Variants in LIMCH1 observed in about 807,000 individuals in gnomAD.
LIMCH1 encodes the protein LIM and calponin homology domains 1.
Under a neutral mutation model 176.5 loss-of-function variants are expected in LIMCH1, and 113 were observed. That is an observed-to-expected ratio of 0.64 (90% CI 0.55 to 0.75). The LOEUF is 0.75. Ranked by LOEUF, LIMCH1 falls within the 30% of genes least tolerant of loss-of-function variation. The pLI, the probability that LIMCH1 is intolerant of heterozygous loss-of-function variation, is 0.00. For missense variants in LIMCH1, 1,674 were observed against 1,814.9 expected (o/e 0.92, Z 1.41); for synonymous variants, 619 against 645.9 (o/e 0.96, Z 0.63).
intron 1 of LIMCH1, among the ~76,000 whole-genome samples, chr4:41,475,893 G>A (rs1325173856): frequency 2.0e-5 from 3 of 152,146 alleles, no homozygotes; most frequent in Admixed American, 2.0e-4. Context: ...TACAAAAAAA[G>A]ACATTAAAAA....
chr4:41,670,660 C>A, intron 21 of LIMCH1: 1 of 1,285,688 alleles, frequency 7.8e-7, no homozygotes, highest in South Asian at 1.3e-5. Flanking sequence ...TGGTTCTATT[C>A]AGTTCTCACC....
intron 1 of LIMCH1, among the ~76,000 whole-genome samples, chr4:41,553,131 C>T (rs1420071882): frequency 4.6e-5 from 7 of 152,162 alleles, no homozygotes. Flanking sequence ...TCTGCGAGAT[C>T]TCTCGCAGTG....
rs112473144 is a variant in LIMCH1 at position 41,369,437 on chromosome 4, C to A, written c.96+8501C>A. The stretch of plus-strand genomic sequence containing the variant: ...GCAGGAGTAATGCTCAGATAATATT[C>A]TTGAGTTGTATTCCTCAGGAAAAAG... On this transcript the variant is annotated intron_variant, in intron 1 of 26. Transcript: ENST00000313860. Among the ~76,000 whole-genome samples the A allele has an allele frequency of 1.6e-3, 238 of 152,260 alleles. 2 individuals are homozygous for A. Among genetic ancestry groups the A allele is most frequent in the African/African-American group, 5.4e-3 (224 of 41,560 alleles).
chr4:41,650,366 GT>G (rs1298109035), intron 17 of LIMCH1, 26 bp from the exon 18 acceptor site: 3 of 1,567,272 alleles, frequency 1.9e-6, no homozygotes, highest in South Asian at 1.1e-5. Flanking sequence ...TATATAGCAT[GT>G]TTTTTGTTCA....
chr4:41,413,207 A>G (rs1262716653), intron 1 of LIMCH1, among the ~76,000 whole-genome samples: 1 of 145,140 alleles, frequency 6.9e-6, no homozygotes, highest in Non-Finnish European at 1.5e-5. Context: ...TGCAACATGT[A>G]GACATAATAA....
intron 28 of LIMCH1, among the ~76,000 whole-genome samples, chr4:41,687,505 T>C (rs1721819484): frequency 6.6e-6 from 1 of 152,194 alleles, no homozygotes; most frequent in Non-Finnish European, 1.5e-5. Context: ...GCAGTTTGGC[T>C]AGCAACTTTT....
chr4:41,532,250 G>A (rs1271256403), intron 3 of LIMCH1, among the ~76,000 whole-genome samples: 1 of 152,186 alleles, frequency 6.6e-6, no homozygotes, highest in African/African-American at 2.4e-5. Flanking sequence ...GGGATTCTAA[G>A]TTTATTTACT....
rs182396142 is a variant in LIMCH1 at position 41,432,636 on chromosome 4, A to G, written c.97-61900A>G. Among the ~76,000 whole-genome samples the G allele has an allele frequency of 5.9e-5, 9 of 152,256 alleles. No homozygotes were observed. The East Asian group carries it at 1.2e-3, about 20-fold the overall frequency. On this transcript the variant is annotated intron_variant, in intron 1 of 26. Transcript: ENST00000313860. ...TCATTTGGGCAAAGCTTTGCCATCAATTTTTCATTTAAAAACATTTCCTAA... is the reference window on the plus strand; with the variant it reads ...TCATTTGGGCAAAGCTTTGCCATCAGTTTTTCATTTAAAAACATTTCCTAA...
intron 27 of LIMCH1, among the ~76,000 whole-genome samples, chr4:41,684,796 A>T (rs1209383634): frequency 6.6e-6 from 1 of 152,150 alleles, no homozygotes; most frequent in African/African-American, 2.4e-5. Context: ...GTGCATTCTG[A>T]GACTTCCTCA....
intron 1 of LIMCH1, among the ~76,000 whole-genome samples, chr4:41,398,130 A>G (rs375257114): frequency 6.6e-6 from 1 of 151,306 alleles, no homozygotes; most frequent in Non-Finnish European, 1.5e-5. Flanking sequence ...AATGTTGAAG[A>G]ACTTGGAATT....
rs567885719 is a variant in LIMCH1 at position 41,695,660 on chromosome 4, A to G, written c.4379-1500A>G. ...CCTTCTTTCCAATTATTTTTTTCCAAAATTTTCCTAACTCTTCTCCCATGT... is the reference window on the plus strand; with the variant it reads ...CCTTCTTTCCAATTATTTTTTTCCAGAATTTTCCTAACTCTTCTCCCATGT... On this transcript the variant is annotated intron_variant, in intron 31 of 31. Transcript: ENST00000503057. Among the ~76,000 whole-genome samples the G allele has an allele frequency of 4.4e-3, 673 of 152,096 alleles. 4 individuals carry two copies. The highest frequency in any genetic ancestry group is 0.014 in the African/African-American group (597 of 41,532).
chr4:41,398,550 A>G (rs1235824770), intron 1 of LIMCH1, among the ~76,000 whole-genome samples: 1 of 152,172 alleles, frequency 6.6e-6, no homozygotes, highest in Admixed American at 6.5e-5. Flanking sequence ...CAGTAAAATT[A>G]AAAAGGTTGG....
chr4:41,418,298 A>G (rs1160698400), intron 1 of LIMCH1, among the ~76,000 whole-genome samples: 4 of 152,178 alleles, frequency 2.6e-5, no homozygotes, highest in Admixed American at 6.5e-5. Context: ...TCTATTCTAG[A>G]TTGTATGGAA....
intron 1 of LIMCH1, among the ~76,000 whole-genome samples, chr4:41,598,574 C>G (rs1454068125): frequency 2.0e-5 from 3 of 152,010 alleles, no homozygotes; most frequent in African/African-American, 7.2e-5. Context: ...CAACCAGATT[C>G]TAGGCAACAA....
chr4:41,588,041 C>T (rs528380118), intron 1 of LIMCH1, among the ~76,000 whole-genome samples: 20 of 152,062 alleles, frequency 1.3e-4, no homozygotes, highest in African/African-American at 3.6e-4. Flanking sequence ...CCCATTAACT[C>T]GTCAATTAGC....
At chr4:41,659,956 A>T (rs537261963) in intron 18 of LIMCH1, among the ~76,000 whole-genome samples, 2 of 152,280 alleles carry the variant, frequency 1.3e-5, no homozygotes, top group Non-Finnish European at 1.5e-5. Context: ...GAAGTAATAC[A>T]TAGTCATTAT....
Position 41,698,863 on chromosome 4 carries a change from C to T in LIMCH1, c.*1678C>T, listed in dbSNP as rs1040966934. 2.6e-5 allele frequency: 4 copies of T among 152,424 alleles called. No homozygotes were observed. The highest frequency in any genetic ancestry group is 2.9e-5 in the Non-Finnish European group (2 of 68,026). 9.4% of individuals were successfully genotyped at this position (152,424 alleles called of 1,614,324 possible). A position where few individuals can be genotyped will look rare whatever the true frequency, so the allele number is the denominator to read the frequency against. On this transcript the variant is annotated 3_prime_UTR_variant, in exon 32 of 32. Transcript: ENST00000503057. ...TCATTAAAAATTGTGCCTTAGAAAA[C>T]GCAAAGCTGTTGCACATGGCGATAA...
intron 1 of LIMCH1, among the ~76,000 whole-genome samples, chr4:41,592,838 G>A (rs1480038865): frequency 1.3e-5 from 2 of 152,154 alleles, no homozygotes; most frequent in Admixed American, 1.3e-4. Flanking sequence ...TCCTTGATAT[G>A]TTTGTTATTC....
chr4:41,382,578 T>C (rs538570668), intron 1 of LIMCH1, among the ~76,000 whole-genome samples: 1 of 152,110 alleles, frequency 6.6e-6, no homozygotes, highest in South Asian at 2.1e-4. Context: ...ATCATAGGTG[T>C]GGAAAGGAGG....
Sources: allele counts gnomAD v4.1 joint callset (sites outside exome capture counted in the v4.1 genomes callset), GRCh38; gene constraint gnomAD v4.1.1; transcripts MANE v1.5; gene names NCBI Gene and HGNC (gene_info 2026-07-23, HGNC 2026-07-21).